CLMN: variants seen among roughly 807,000 people sequenced by gnomAD.
The protein encoded by CLMN is calmin, also known as calmin (calponin-like, transmembrane).
CLMN carries 57 observed loss-of-function variants against 92.7 expected under a neutral mutation model. The ratio of observed to expected loss-of-function variants is 0.61; its 90% CI spans 0.50 to 0.77. The LOEUF is 0.77. CLMN is among the 30% of genes least tolerant of loss of function. The pLI is 0.00. For missense variants in CLMN, 1,158 were observed against 1,237.5 expected (o/e 0.94, Z 0.96); for synonymous variants, 466 against 470.6 (o/e 0.99, Z 0.13).
intron 1 of CLMN, among the ~76,000 whole-genome samples, chr14:95,279,745 T>C (rs972030897): frequency 5.9e-5 from 9 of 152,224 alleles, no homozygotes; most frequent in Admixed American, 5.9e-4. Context: ...ATCATGCCAC[T>C]GCACTCCAGC....
chr14:95,236,182 C>G (rs1176788306), intron 1 of CLMN, among the ~76,000 whole-genome samples: 1 of 152,240 alleles, frequency 6.6e-6, no homozygotes, highest in Admixed American at 6.5e-5. Context: ...GCACAGAGAG[C>G]TTAGGAACAT....
chr14:95,220,279 C>T, intron 4 of CLMN, among the ~76,000 whole-genome samples: 1 of 145,506 alleles, frequency 6.9e-6, no homozygotes, highest in East Asian at 2.0e-4. Context: ...AGGGCTCAAG[C>T]AATTCTCCTG....
chr14:95,316,076 G>C (rs1047150446), intron 1 of CLMN, among the ~76,000 whole-genome samples: 1 of 152,222 alleles, frequency 6.6e-6, no homozygotes. Context: ...CAAAGAGGGA[G>C]AGGGGGCAGC....
intron 8 of CLMN, among the ~76,000 whole-genome samples, chr14:95,206,954 C>CT (rs5810716): frequency 0.3 from 44,167 of 147,784 alleles, 6,695 homozygotes; most frequent in Middle Eastern, 0.44. Context: ...ATAATCACTA[C>CT]TTTTTTTTTT....
In CLMN at chr14:95,191,684, C is replaced by T. The variant is rs780393729; in HGVS notation, c.2889G>A (p.Pro963=). 1.9e-5 allele frequency: 31 copies of T among 1,612,704 alleles called. No individual in the cohort carries two copies. In the East Asian group the frequency reaches 2.0e-4, roughly 10 times the overall value. Residue 963 remains proline, a synonymous_variant, in exon 13 of 13, where the codon CCG becomes CCA. Transcript: ENST00000298912. The surrounding 1 kb of genome is among the most constrained non-coding windows in gnomAD (Gnocchi z 5.3). ...CAAGCTGTGTCAGGGAGTCACTCTG[C>T]GGGCTGTGGCTCCCCAGTGACATGG... ...GEAMSLGSHS[P]QSDSLTQLVQ... is the part of the protein sequence containing the mutation.
rs1461606615 is a variant in CLMN, at chr14:95,188,230, CACA to C, written c.*3331_*3333del. On this transcript the variant is annotated 3_prime_UTR_variant, in exon 13 of 13. Coordinates refer to ENST00000298912, the MANE Select transcript of CLMN (RefSeq NM_024734.4). ...GATCACCATATATTTGAGAAAAATTCACAACGTGAAAGATAGAGACTGAGACCA... is the reference window on the plus strand; with the variant it reads ...GATCACCATATATTTGAGAAAAATTCACGTGAAAGATAGAGACTGAGACCA... The C allele has an allele frequency of 1.3e-5, 2 of 152,200 alleles. No homozygotes were observed. The highest frequency in any genetic ancestry group is 2.4e-5 in the African/African-American group (1 of 41,518). The allele number at this position is 152,200 out of a possible 1,614,324, so 9.4% of individuals were successfully genotyped here.
chr14:95,207,140 T>A (rs940580170), intron 8 of CLMN, among the ~76,000 whole-genome samples: 1 of 152,246 alleles, frequency 6.6e-6, no homozygotes, highest in East Asian at 1.9e-4. Flanking sequence ...TAATGTGATA[T>A]CTTAAAACGT....
intron 12 of CLMN, chr14:95,193,241 CTA>C (rs1896604016): frequency 1.1e-6 from 1 of 934,526 alleles, no homozygotes; most frequent in East Asian, 2.6e-5. Flanking sequence ...TTCTGGTTTC[CTA>C]TGTTTTAAAT....
At chr14:95,232,104 C>T (rs958092967) in intron 1 of CLMN, among the ~76,000 whole-genome samples, 4 of 152,256 alleles carry the variant, frequency 2.6e-5, no homozygotes, top group South Asian at 4.1e-4. Context: ...TTTTTCTGCT[C>T]TCTCCTGAGT....
In CLMN at chr14:95,213,342, C is replaced by T; in HGVS notation, c.485G>A (p.Gly162Asp). 1 of 1,613,298 alleles carries T rather than the reference C, an allele frequency of 6.2e-7. No homozygotes were observed. Among genetic ancestry groups the T allele is most frequent in the African/African-American group, 1.3e-5 (1 of 74,992 alleles). The change falls in exon 6 of 13, where the codon GGC becomes GAC. Residue 162 changes from glycine to aspartate, a missense_variant. By Grantham distance (94) the Gly-to-Asp change is moderately conservative. Coordinates refer to ENST00000298912, the MANE Select transcript of CLMN (RefSeq NM_024734.4). ...PSSSLSPGSG[G>D]TDSDSSFPPT... ...TGGGAAGGATGAGTCTGAGTCTGTG[C>T]CCCCTGAGCCAGGGGACAAGCTGGA...
At position 95,203,820 on chromosome 14, in the gene CLMN, C is replaced by T. The variant is rs1896961636; in HGVS notation, c.1529G>A (p.Gly510Asp). 1.9e-6 allele frequency: 3 copies of T among 1,614,132 alleles called. No individual in the cohort carries two copies. The highest frequency in any genetic ancestry group is 4.5e-5 in the East Asian group (2 of 44,878). ...NNNSQSSSCN[G>D]ALESTARHDE... is the part of the protein sequence containing the mutation. ...GTGGCGGGCTGTACTCTCTAAAGCA[C>T]CATTACAGGAAGAAGACTGAGAATT... is the stretch of plus-strand genomic sequence containing the variant. The change falls in exon 9 of 13, where the codon GGT becomes GAT. Residue 510 changes from glycine (G) to aspartate (D), a missense_variant. Coordinates refer to ENST00000298912, the MANE Select transcript of CLMN (RefSeq NM_024734.4).
chr14:95,213,466 C>T, intron 5 of CLMN, 57 bp from the exon 6 acceptor site: 1 of 1,517,304 alleles, frequency 6.6e-7, no homozygotes. Flanking sequence ...TCAGCAAGCC[C>T]CTTGTCTGGC....
intron 1 of CLMN, among the ~76,000 whole-genome samples, chr14:95,235,205 C>T (rs941567): frequency 0.23 from 35,172 of 152,046 alleles, 4,745 homozygotes; most frequent in Non-Finnish European, 0.31. Context: ...AGTTTCTCAA[C>T]GTGTGGCCCA....
chr14:95,243,739 C>A (rs1898350737), intron 1 of CLMN, among the ~76,000 whole-genome samples: 3 of 95,870 alleles, frequency 3.1e-5, no homozygotes, highest in Admixed American at 8.9e-5. Context: ...TTTTTTTTAG[C>A]ACCAAAGAAC....
intron 9 of CLMN, among the ~76,000 whole-genome samples, chr14:95,198,484 C>T (rs942577814): frequency 3.3e-5 from 5 of 152,174 alleles, no homozygotes; most frequent in Admixed American, 6.5e-5. Context: ...CCTACGCTCA[C>T]CCACACGGAT....
Position 95,319,814 on chromosome 14 carries a change from G to A in CLMN, c.-22C>T, listed in dbSNP as rs370524519. On this transcript the variant is annotated 5_prime_UTR_variant, in exon 1 of 13. Coordinates refer to ENST00000298912, the MANE Select transcript of CLMN (RefSeq NM_024734.4). Reference sequence around the variant, plus strand: ...CCATGAAGCGCGGGCGGGAGAGCCCGGGCCAGCGCGGCGCGGGCGGCGGGC... The same window carrying A: ...CCATGAAGCGCGGGCGGGAGAGCCCAGGCCAGCGCGGCGCGGGCGGCGGGC... 2 of 1,367,328 alleles carry A rather than the reference G, an allele frequency of 1.5e-6. No individual in the cohort carries two copies. Among genetic ancestry groups the A allele is most frequent in the Non-Finnish European group, 1.9e-6 (2 of 1,055,774 alleles). The allele number at this position is 1,367,328 out of a possible 1,614,324, so 84.7% of individuals were successfully genotyped here. A position where few individuals can be genotyped will look rare whatever the true frequency, so the allele number is the denominator to read the frequency against.
chr14:95,207,615 A>G (rs889880420), intron 8 of CLMN, among the ~76,000 whole-genome samples: 2 of 152,206 alleles, frequency 1.3e-5, no homozygotes, highest in Non-Finnish European at 2.9e-5. Context: ...TTTCCATTTT[A>G]CAGGTGACAC....
intron 1 of CLMN, among the ~76,000 whole-genome samples, chr14:95,247,807 T>C (rs1898629187): frequency 6.6e-6 from 1 of 151,966 alleles, no homozygotes; most frequent in South Asian, 2.1e-4. Flanking sequence ...AGGGATGGTG[T>C]GCAGGCCATT....
At chr14:95,206,097 A>C (rs1897039910) in intron 8 of CLMN, among the ~76,000 whole-genome samples, 1 of 152,212 alleles carries the variant, frequency 6.6e-6, no homozygotes, top group Admixed American at 6.5e-5. Context: ...AAAATGGAAA[A>C]AGTTATGACA....
Sources: gnomAD v4.1 joint callset for allele counts (sites outside exome capture counted in the v4.1 genomes callset) on GRCh38, gnomAD v4.1.1 for gene constraint, Gnocchi (gnomAD v3.1) non-coding constraint, MANE v1.5 for transcripts, NCBI Gene and HGNC (gene_info 2026-07-23, HGNC 2026-07-21) for gene names.